The following KMT2C variants were observed in gnomAD, a reference collection of about 807,000 sequenced individuals.
The protein encoded by KMT2C is histone-lysine N-methyltransferase 2C.
A neutral mutation model predicts 507.9 loss-of-function variants in KMT2C; 88 were observed. That is an observed-to-expected ratio of 0.17 (90% CI 0.15 to 0.21). KMT2C has a LOEUF of 0.21. Ranked by LOEUF, KMT2C falls within the 10% of genes least tolerant of loss-of-function variation. KMT2C has a pLI of 1.00. For synonymous variants in KMT2C, 2,049 were observed against 2,080.8 expected, an observed-to-expected ratio of 0.98 and a Z score of 0.42; for missense variants, 4,954 against 5,957.8, an observed-to-expected ratio of 0.83 and a Z score of 5.55.
chr7:152,365,301 G>A (rs1201903090), intron 1 of KMT2C, among the ~76,000 whole-genome samples: 1 of 152,130 alleles, frequency 6.6e-6, no homozygotes, highest in Non-Finnish European at 1.5e-5. Flanking sequence ...ACCTGAGGTC[G>A]AGTTCGAGAC....
At chr7:152,180,515 A>G (rs2093397176) in intron 36 of KMT2C, among the ~76,000 whole-genome samples, 196 bp downstream of exon 36, 1 of 152,252 alleles carries the variant, frequency 6.6e-6, no homozygotes, top group African/African-American at 2.4e-5. Flanking sequence ...CGAATTCGTG[A>G]AAACTGAAAT....
In KMT2C at chr7:152,238,752, A is replaced by G. The variant is rs749639024; in HGVS notation, c.2607T>C (p.Phe869=). ...CACTGCCAGGAAGCTGCCTGGGTTT[A>G]AAAATTTCCCGACCTTCTGAAATGT... ...SPDISEGREI[F]KPRQLPGSAI... The change falls in exon 15 of 59, where the codon TTT becomes TTC. Residue 869 remains phenylalanine (F), a synonymous_variant. Transcript: ENST00000262189. The G allele has an allele frequency of 6.2e-7, 1 of 1,610,566 alleles. No homozygotes were observed. The highest frequency in any genetic ancestry group is 1.3e-5 in the African/African-American group (1 of 74,804).
chr7:152,203,382 G>T (rs533615998), intron 25 of KMT2C, among the ~76,000 whole-genome samples: 1 of 151,790 alleles, frequency 6.6e-6, no homozygotes, highest in African/African-American at 2.4e-5. Context: ...TGAGTATGAC[G>T]AAATGGCAAC....
chr7:152,399,309 A>G (rs528888538), intron 1 of KMT2C, among the ~76,000 whole-genome samples: 21 of 152,324 alleles, frequency 1.4e-4, no homozygotes, highest in African/African-American at 4.8e-4. Flanking sequence ...CAGATCAAAC[A>G]TATACATTTA....
intron 1 of KMT2C, among the ~76,000 whole-genome samples, chr7:152,391,255 T>C (rs1218472722): frequency 4.0e-5 from 6 of 151,804 alleles, no homozygotes; most frequent in Non-Finnish European, 8.8e-5. Flanking sequence ...GTTTTTTTGT[T>C]TTTGAGACAG....
intron 42 of KMT2C, among the ~76,000 whole-genome samples, chr7:152,166,172 G>A (rs2092719273): frequency 6.7e-6 from 1 of 150,134 alleles, no homozygotes. Context: ...CGCCAGGCTG[G>A]AGTACAGTGG....
intron 1 of KMT2C, chr7:152,366,781 T>G: frequency 4.8e-6 from 1 of 207,842 alleles, no homozygotes; most frequent in Non-Finnish European, 9.6e-6. Flanking sequence ...GCCGCTGAGC[T>G]GCAGCCCTTC....
At position 152,315,192 on chromosome 7, in the gene KMT2C, C is replaced by T. The variant is rs1335730147; in HGVS notation, c.536G>A (p.Gly179Glu). 15 of 1,614,044 alleles carry T rather than the reference C, an allele frequency of 9.3e-6. No homozygotes were observed. Among genetic ancestry groups the T allele is most frequent in the Non-Finnish European group, 1.3e-5 (15 of 1,179,950 alleles). ...TGAGTTTTGCATTTTCTCATAGGTT[C>T]CATTGCTGTTGTCATCAATGTCCTT... is the stretch of plus-strand genomic sequence containing the variant. ...NKKDIDDNSN[G>E]TYEKMQNSAP... The change falls in exon 4 of 59, where the codon GGA (glycine) becomes GAA (glutamate). Residue 179 changes from glycine to glutamate, a missense_variant. Around this residue, in one of 29 missense-constraint regions of KMT2C, gnomAD observed 233 missense variants for 263.6 expected, o/e 0.88. Coordinates refer to ENST00000262189, the MANE Select transcript of KMT2C (RefSeq NM_170606.3).
At chr7:152,267,739 C>G (rs1307690894) in intron 7 of KMT2C, among the ~76,000 whole-genome samples, 1 of 152,166 alleles carries the variant, frequency 6.6e-6, no homozygotes, top group Non-Finnish European at 1.5e-5. Context: ...TTGTTAACCT[C>G]TGTATAAATT....
At chr7:152,327,701 G>A (rs1014319392) in intron 3 of KMT2C, among the ~76,000 whole-genome samples, 1 of 152,076 alleles carries the variant, frequency 6.6e-6, no homozygotes, top group African/African-American at 2.4e-5. Flanking sequence ...ACTCACGCCT[G>A]TACTCCCAAC....
rs149626377 is a variant in KMT2C at position 152,146,149 on chromosome 7, G to T, written c.14031+450C>A. Among the ~76,000 whole-genome samples the T allele has an allele frequency of 6.3e-4, 96 of 152,316 alleles. 1 individual carries two copies. The highest frequency in any genetic ancestry group is 2.1e-3 in the African/African-American group (86 of 41,554). On this transcript the variant is annotated intron_variant, in intron 53 of 58. Coordinates refer to ENST00000262189, the MANE Select transcript of KMT2C (RefSeq NM_170606.3). ...TTTTAAGCAAAGAAATGTCAAGAGA[G>T]GACAGAAATCAGTGCTGCTGCGATC... is the stretch of plus-strand genomic sequence containing the variant.
intron 14 of KMT2C, among the ~76,000 whole-genome samples, chr7:152,242,523 T>TA (rs1452080864): frequency 6.6e-6 from 1 of 152,052 alleles, no homozygotes; most frequent in African/African-American, 2.4e-5. Context: ...CTACAGAAAC[T>TA]AAAAAAACAC....
rs776553378 is a variant in KMT2C, at chr7:152,181,820, C to G, written c.6040G>C (p.Ala2014Pro). The change falls in exon 36 of 59, where the codon GCA becomes CCA. Residue 2014 changes from alanine to proline, a missense_variant. Transcript: ENST00000262189. ...ATCCTTTGTCTTTGAAACACATCTGCCCTAGGAGATGGTTTAGTAAAGTGA... is the reference window on the plus strand; with the variant it reads ...ATCCTTTGTCTTTGAAACACATCTGGCCTAGGAGATGGTTTAGTAAAGTGA... ...SDHFTKPSPR[A>P]DVFQRQRIPD... The G allele has an allele frequency of 6.2e-7, 1 of 1,614,062 alleles. No homozygotes were observed. Among genetic ancestry groups the G allele is most frequent in the Non-Finnish European group, 8.5e-7 (1 of 1,180,014 alleles).
At chr7:152,202,150 T>C (rs2129134989) in intron 26 of KMT2C, among the ~76,000 whole-genome samples, 2 of 152,326 alleles carry the variant, frequency 1.3e-5, no homozygotes, top group Middle Eastern at 6.8e-3. Context: ...ACAGATCAGA[T>C]GAATAGTTGT....
intron 7 of KMT2C, among the ~76,000 whole-genome samples, chr7:152,270,385 G>A (rs936123545): frequency 2.0e-5 from 3 of 152,196 alleles, no homozygotes; most frequent in Non-Finnish European, 4.4e-5. Context: ...ATACATTGAG[G>A]AACAGGGGGT....
rs761339484 is a variant in KMT2C, at chr7:152,187,452, T to C, written c.4818A>G (p.Pro1606=). The C allele has an allele frequency of 1.2e-6, 2 of 1,613,956 alleles. No homozygotes were observed. The highest frequency in any genetic ancestry group is 2.2e-5 in the East Asian group (1 of 44,882). The change falls in exon 33 of 59, where the codon CCA becomes CCG. Residue 1606 remains proline (P), a synonymous_variant. Coordinates refer to ENST00000262189, the MANE Select transcript of KMT2C (RefSeq NM_170606.3). ...DARDKNSAFN[P]MASDPNNSWT... is the part of the protein sequence containing the mutation. ...AAGAGTTGTTAGGATCACTTGCCAT[T>C]GGATTAAAGGCTGAATTTTTATCCC... is the stretch of plus-strand genomic sequence containing the variant.
intron 43 of KMT2C, among the ~76,000 whole-genome samples, chr7:152,159,601 G>T (rs1194425689): frequency 6.6e-6 from 1 of 152,106 alleles, no homozygotes; most frequent in Non-Finnish European, 1.5e-5. Flanking sequence ...AAAAACACTG[G>T]TTCTTCAAAT....
intron 1 of KMT2C, among the ~76,000 whole-genome samples, chr7:152,359,309 T>C (rs1335466688): frequency 7.2e-6 from 1 of 138,022 alleles, no homozygotes; most frequent in Non-Finnish European, 1.6e-5. Flanking sequence ...AAAAAACTAA[T>C]GCCTTTAAAT....
intron 32 of KMT2C, 93 bp from the exon 33 acceptor site, chr7:152,187,569 A>G (rs1304674477): frequency 2.0e-5 from 29 of 1,415,652 alleles, no homozygotes; most frequent in Admixed American, 5.9e-5. Context: ...ATTACAAAAC[A>G]GTTAAAAGTA....
Sources: allele counts gnomAD v4.1 joint callset (sites outside exome capture counted in the v4.1 genomes callset), GRCh38; gene constraint gnomAD v4.1.1; regional missense constraint gnomAD v4.1.1; transcripts MANE v1.5; gene names NCBI Gene and HGNC (gene_info 2026-07-23, HGNC 2026-07-21).